The following PBX4 variants were observed in gnomAD, a reference collection of about 807,000 sequenced individuals.
PBX4 encodes the protein PBX homeobox 4, also known as pre-B-cell leukemia transcription factor 4.
A neutral mutation model predicts 35.1 loss-of-function variants in PBX4; 26 were observed. That is an observed-to-expected ratio of 0.74 (90% CI 0.54 to 1.03). The LOEUF (loss-of-function observed/expected upper bound fraction) is 1.03, where lower values mean the gene tolerates loss of function less well. PBX4 is among the 50% of genes least tolerant of loss of function. The pLI is 0.00. For missense variants in PBX4, 448 were observed against 504.3 expected (o/e 0.89, Z 1.07); for synonymous variants, 199 against 204.2 (o/e 0.97, Z 0.22).
chr19:19,581,078 C>G (rs2061451388), intron 2 of PBX4, among the ~76,000 whole-genome samples: 1 of 152,210 alleles, frequency 6.6e-6, no homozygotes, highest in Non-Finnish European at 1.5e-5. Context: ...GGTGATCTGT[C>G]CTCTGGGCCA....
intron 1 of PBX4, among the ~76,000 whole-genome samples, chr19:19,605,449 CAAT>C (rs36012398): frequency 2.2e-5 from 2 of 90,414 alleles, no homozygotes; most frequent in African/African-American, 4.6e-5. Flanking sequence ...ATAATAATAA[CAAT>C]AATAATAATA....
In PBX4 at chr19:19,562,500, G is replaced by A. The variant is rs1263076321; in HGVS notation, c.1033-383C>T. On this transcript the variant is annotated intron_variant, in intron 7 of 7. Coordinates refer to ENST00000251203, the MANE Select transcript of PBX4 (RefSeq NM_025245.3). The surrounding 1 kb of genome is among the most constrained non-coding windows in gnomAD (Gnocchi z 4.8). Reference sequence around the variant, plus strand: ...TGGTGAGACTCGGTGGGAAAAAGGGGCTCTGAAACCTGGCCCAACACTGGC... The same window carrying A: ...TGGTGAGACTCGGTGGGAAAAAGGGACTCTGAAACCTGGCCCAACACTGGC... Among the ~76,000 whole-genome samples, 1 of 151,950 alleles carries A rather than the reference G, an allele frequency of 6.6e-6. No individual in the cohort carries two copies. Among genetic ancestry groups the A allele is most frequent in the Non-Finnish European group, 1.5e-5 (1 of 67,986 alleles).
rs768144971 is a variant in PBX4 at position 19,562,066 on chromosome 19, C to T, written c.1084G>A (p.Ala362Thr). The stretch of plus-strand genomic sequence containing the variant: ...GAGTTGATGCTGCCAGGGTCTCCAG[C>T]AGGTGAGGCAGTTGCAGGTTGGGGG... ...ATPQPATASP[A>T]GDPGSINSST... is the part of the protein sequence containing the mutation. Residue 362 changes from alanine to threonine, a missense_variant, in exon 8 of 8, where the codon GCT becomes ACT. Physicochemically the swap from Ala to Thr is moderately conservative, Grantham distance 58. Coordinates refer to ENST00000251203, the MANE Select transcript of PBX4 (RefSeq NM_025245.3). This position sits in a 1 kb window ranked among gnomAD's most constrained non-coding sequence, Gnocchi z 4.8. 1 of 1,613,184 alleles carries T rather than the reference C, an allele frequency of 6.2e-7. No individual in the cohort carries two copies. The highest frequency in any genetic ancestry group is 1.1e-5 in the South Asian group (1 of 90,830).
intron 2 of PBX4, among the ~76,000 whole-genome samples, chr19:19,574,886 T>C (rs981219522): frequency 3.3e-5 from 5 of 152,084 alleles, no homozygotes; most frequent in African/African-American, 4.8e-5. Flanking sequence ...GGTTTCACCA[T>C]GTTGAACAGG....
At chr19:19,603,769 C>A (rs1482525602) in intron 1 of PBX4, among the ~76,000 whole-genome samples, 1 of 151,912 alleles carries the variant, frequency 6.6e-6, no homozygotes, top group Non-Finnish European at 1.5e-5. Flanking sequence ...CCAGCCTGGC[C>A]AACATAGTGA....
At chr19:19,579,342 C>CAA (rs763609486) in intron 2 of PBX4, among the ~76,000 whole-genome samples, 3 of 131,616 alleles carry the variant, frequency 2.3e-5, no homozygotes, top group African/African-American at 2.8e-5. Context: ...GACTCCGTCT[C>CAA]AAAAAAAAAA....
At chr19:19,588,695 G>T (rs888977418) in intron 2 of PBX4, among the ~76,000 whole-genome samples, 18 of 152,150 alleles carry the variant, frequency 1.2e-4, no homozygotes, top group African/African-American at 3.1e-4. Flanking sequence ...TGCCTCTTTG[G>T]CTGAGTCTCA....
intron 2 of PBX4, among the ~76,000 whole-genome samples, chr19:19,594,099 ATAAAAAAT>A (rs1331747100): frequency 1.5e-5 from 2 of 134,388 alleles, no homozygotes; most frequent in East Asian, 4.4e-4. Context: ...AAAAAAAAAA[ATAAAAAAT>A]AAAAAATTAA....
At chr19:19,593,074 A>G (rs754542303) in intron 2 of PBX4, among the ~76,000 whole-genome samples, 18 of 152,210 alleles carry the variant, frequency 1.2e-4, no homozygotes, top group Non-Finnish European at 2.5e-4. Flanking sequence ...AGGCTCCATC[A>G]ATACCCACCA....
At chr19:19,610,149 C>A (rs1419795720) in intron 1 of PBX4, among the ~76,000 whole-genome samples, 1 of 152,196 alleles carries the variant, frequency 6.6e-6, no homozygotes. Flanking sequence ...CACGGTGGCT[C>A]ACGTCTGTAA....
chr19:19,601,891 C>A (rs1197537365), intron 1 of PBX4, among the ~76,000 whole-genome samples: 1 of 152,102 alleles, frequency 6.6e-6, no homozygotes, highest in Non-Finnish European at 1.5e-5. Flanking sequence ...GTAATTCTAG[C>A]ATTTTGGGAG....
rs1355294151 is a variant in PBX4 at position 19,562,149 on chromosome 19, G to A, written c.1033-32C>T. The A allele has an allele frequency of 6.4e-7, 1 of 1,554,642 alleles. No individual in the cohort carries two copies. The highest frequency in any genetic ancestry group is 1.2e-5 in the South Asian group (1 of 86,396). ...CGACAGAGACTGAGCATCAGAGTGG[G>A]TGGCCGTGAGACTGGTGACTACCCA... On this transcript the variant is annotated intron_variant, in intron 7 of 7. Coordinates refer to ENST00000251203, the MANE Select transcript of PBX4 (RefSeq NM_025245.3). The surrounding 1 kb of genome is among the most constrained non-coding windows in gnomAD (Gnocchi z 4.8).
intron 2 of PBX4, among the ~76,000 whole-genome samples, chr19:19,584,026 G>A (rs1431901775): frequency 1.3e-5 from 2 of 152,134 alleles, no homozygotes; most frequent in Non-Finnish European, 2.9e-5. Flanking sequence ...CCGAGATCAT[G>A]CCATTGCACT....
At chr19:19,577,261 G>A (rs905659921) in intron 2 of PBX4, among the ~76,000 whole-genome samples, 2 of 151,860 alleles carry the variant, frequency 1.3e-5, no homozygotes, top group African/African-American at 4.8e-5. Context: ...TACTCTTCAT[G>A]GGGTATGCAT....
At chr19:19,601,147 G>T (rs186889939) in intron 1 of PBX4, among the ~76,000 whole-genome samples, 100 of 152,342 alleles carry the variant, frequency 6.6e-4, no homozygotes, top group Admixed American at 2.3e-3. Flanking sequence ...ACATGACAGT[G>T]ATGGTTAGAA....
intron 1 of PBX4, among the ~76,000 whole-genome samples, chr19:19,609,279 G>A (rs532720058): frequency 3.3e-5 from 5 of 152,318 alleles, no homozygotes; most frequent in African/African-American, 1.2e-4. Flanking sequence ...GCCAGGCGCA[G>A]TAGCTCACAC....
At chr19:19,580,064 G>C (rs1180757642) in intron 2 of PBX4, 1 of 152,308 alleles carries the variant, frequency 6.6e-6, no homozygotes, top group Non-Finnish European at 1.5e-5. Flanking sequence ...TTTGGTGACA[G>C]AGAGCCAAAG....
rs34778928 is a variant in PBX4, at chr19:19,566,700, C to CT, written c.769-1612dup. On this transcript the variant is annotated intron_variant, in intron 5 of 7. Transcript: ENST00000251203. ...CTACCAAGCCTGGCTAATTTTTGTA[C>CT]TTTTTTTTTTTTTTTTTTTCGGAGA... Among the ~76,000 whole-genome samples the CT allele has an allele frequency of 4.0e-3, 389 of 97,900 alleles. 4 individuals carry two copies. Among genetic ancestry groups the CT allele is most frequent in the Non-Finnish European group, 5.7e-3 (289 of 50,684 alleles). 64.2% of individuals were successfully genotyped at this position (97,900 alleles called of 152,430 possible).
At chr19:19,601,834 T>C (rs1343074145) in intron 1 of PBX4, among the ~76,000 whole-genome samples, 2 of 152,134 alleles carry the variant, frequency 1.3e-5, no homozygotes, top group East Asian at 1.9e-4. Flanking sequence ...ACTGTGCCCA[T>C]GTGGGCTTTC....
Sources: allele counts gnomAD v4.1 joint callset (sites outside exome capture counted in the v4.1 genomes callset), GRCh38; gene constraint gnomAD v4.1.1; non-coding constraint Gnocchi (gnomAD v3.1); transcripts MANE v1.5; gene names NCBI Gene and HGNC (gene_info 2026-07-23, HGNC 2026-07-21).